PAM: variants seen among roughly 807,000 people sequenced by gnomAD.
PAM encodes the protein peptidyl-glycine alpha-amidating monooxygenase.
Under a neutral mutation model 122.1 loss-of-function variants are expected in PAM, and 72 were observed. That is an observed-to-expected ratio of 0.59 (90% CI 0.49 to 0.72). The LOEUF is 0.72. PAM is among the 30% of genes least tolerant of loss of function. The pLI, the probability that PAM is intolerant of heterozygous loss-of-function variation, is 0.00. For missense variants in PAM, 1,106 were observed against 1,183.7 expected (o/e 0.93, Z 0.96); for synonymous variants, 389 against 404.4 (o/e 0.96, Z 0.46).
At chr5:102,993,570 C>T (rs1774805034) in intron 16 of PAM, among the ~76,000 whole-genome samples, 1 of 152,110 alleles carries the variant, frequency 6.6e-6, no homozygotes, top group Admixed American at 6.6e-5. Flanking sequence ...AGTATAACTT[C>T]AGATTCTTTC....
chr5:102,881,493 G>A (rs1000029222), intron 3 of PAM, among the ~76,000 whole-genome samples: 3 of 151,998 alleles, frequency 2.0e-5, no homozygotes, highest in Admixed American at 1.3e-4. Flanking sequence ...ACTGCTACAA[G>A]CTTTTTAGGA....
At chr5:102,767,227 TG>T (rs1445238888) in intron 1 of PAM, among the ~76,000 whole-genome samples, 1 of 152,110 alleles carries the variant, frequency 6.6e-6, no homozygotes, top group Non-Finnish European at 1.5e-5. Flanking sequence ...GTTTTCATTT[TG>T]TTTTTATTTT....
intron 3 of PAM, among the ~76,000 whole-genome samples, chr5:102,884,974 A>G (rs1461153661): frequency 1.3e-5 from 2 of 151,902 alleles, no homozygotes; most frequent in Non-Finnish European, 2.9e-5. Flanking sequence ...TTGCCATGGC[A>G]ACATCGATTT....
At chr5:102,935,273 T>C (rs1752890602) in intron 7 of PAM, among the ~76,000 whole-genome samples, 1 of 152,150 alleles carries the variant, frequency 6.6e-6, no homozygotes, top group African/African-American at 2.4e-5. Context: ...TTTTTTCTTT[T>C]TTTTTTGGAC....
chr5:102,864,184 A>ATATATAT lies in PAM; in HGVS notation c.-373-1638_-373-1637insATATATT, dbSNP rs1472850333. Reference sequence around the variant, plus strand: ...TCTTCATATATATATATATATATATATTTTTTTTTTTTTTAAAGAACTTCA... The same window carrying ATATATAT: ...TCTTCATATATATATATATATATATATATATATTTTTTTTTTTTTTTAAAGAACTTCA... On this transcript the variant is annotated intron_variant, in intron 1 of 25. Coordinates refer to ENST00000438793, the MANE Select transcript of PAM (RefSeq NM_001177306.2). Among the ~76,000 whole-genome samples the ATATATAT allele has an allele frequency of 3.6e-4, 48 of 133,682 alleles. 1 individual carries two copies. Among genetic ancestry groups the ATATATAT allele is most frequent in the African/African-American group, 1.3e-3 (45 of 35,120 alleles). The allele number at this position is 133,682 out of a possible 152,430, so 87.7% of individuals were successfully genotyped here.
At chr5:103,014,097 G>C (rs1781363911) in intron 21 of PAM, among the ~76,000 whole-genome samples, 1 of 152,162 alleles carries the variant, frequency 6.6e-6, no homozygotes, top group African/African-American at 2.4e-5. Context: ...GTTGGTAAAG[G>C]AAGTGAGATG....
chr5:102,960,238 G>A (rs1202899345), intron 13 of PAM, among the ~76,000 whole-genome samples, 179 bp downstream of exon 13: 2 of 151,536 alleles, frequency 1.3e-5, no homozygotes, highest in Non-Finnish European at 2.9e-5. Flanking sequence ...TCCCTGACAT[G>A]TACCCATCAG....
At chr5:102,768,086 A>G (rs1470757362) in intron 1 of PAM, among the ~76,000 whole-genome samples, 1 of 152,192 alleles carries the variant, frequency 6.6e-6, no homozygotes, top group Non-Finnish European at 1.5e-5. Context: ...GATGACAGTG[A>G]CAAAGAATAC....
chr5:102,782,407 C>T (rs1759218372), intron 1 of PAM, among the ~76,000 whole-genome samples: 1 of 152,006 alleles, frequency 6.6e-6, no homozygotes, highest in African/African-American at 2.4e-5. Context: ...ATTTTGAAAT[C>T]CTTTATTGCA....
At chr5:102,882,205 A>G (rs1791510994) in intron 3 of PAM, among the ~76,000 whole-genome samples, 2 of 148,248 alleles carry the variant, frequency 1.3e-5, no homozygotes, top group South Asian at 4.3e-4. Flanking sequence ...CTTTTTTTGT[A>G]TAATGACTTC....
intron 1 of PAM, among the ~76,000 whole-genome samples, chr5:102,822,622 C>G (rs1157137167): frequency 6.6e-6 from 1 of 152,034 alleles, no homozygotes; most frequent in Non-Finnish European, 1.5e-5. Context: ...TGAGGACCTG[C>G]TATACTCTGG....
intron 1 of PAM, among the ~76,000 whole-genome samples, chr5:102,861,740 T>C (rs555203586): frequency 3.3e-5 from 5 of 152,310 alleles, no homozygotes; most frequent in Admixed American, 6.5e-5. Flanking sequence ...CTAAAGTGTT[T>C]AGGGATGATG....
At chr5:102,886,163 A>G (rs961207105) in intron 3 of PAM, among the ~76,000 whole-genome samples, 5 of 152,078 alleles carry the variant, frequency 3.3e-5, no homozygotes, top group Non-Finnish European at 7.4e-5. Flanking sequence ...TATAGAGAAT[A>G]GAGATTAGCA....
At chr5:102,771,155 T>G (rs2149766295) in intron 1 of PAM, among the ~76,000 whole-genome samples, 1 of 152,282 alleles carries the variant, frequency 6.6e-6, no homozygotes, top group East Asian at 1.9e-4. Flanking sequence ...TTGGCCATTT[T>G]AGATTCTCTT....
At chr5:102,908,780 C>T (rs975129532) in intron 4 of PAM, among the ~76,000 whole-genome samples, 14 of 150,908 alleles carry the variant, frequency 9.3e-5, no homozygotes, top group African/African-American at 3.4e-4. Context: ...AAAAATGTTC[C>T]AGGAAAAGGT....
intron 7 of PAM, among the ~76,000 whole-genome samples, chr5:102,936,007 T>TATCGC: frequency 6.6e-6 from 1 of 152,292 alleles, no homozygotes; most frequent in East Asian, 1.9e-4. Flanking sequence ...GATTGTTAAA[T>TATCGC]ATCGCAATCA....
chr5:102,880,148 G>A (rs893299546), intron 3 of PAM, among the ~76,000 whole-genome samples: 1 of 152,096 alleles, frequency 6.6e-6, no homozygotes, highest in Non-Finnish European at 1.5e-5. Flanking sequence ...GGGCATGGTG[G>A]TGTATGCCTG....
At chr5:102,862,872 C>T (rs1471003509) in intron 1 of PAM, among the ~76,000 whole-genome samples, 2 of 152,086 alleles carry the variant, frequency 1.3e-5, no homozygotes, top group Non-Finnish European at 2.9e-5. Context: ...AGTTTTCCTT[C>T]AGTTTACAGG....
At chr5:102,791,108 T>C (rs769445347) in intron 1 of PAM, among the ~76,000 whole-genome samples, 4 of 152,136 alleles carry the variant, frequency 2.6e-5, no homozygotes, top group Non-Finnish European at 5.9e-5. Flanking sequence ...CATTTTATTT[T>C]ATGCCTCTAT....
Sources: allele counts gnomAD v4.1 joint callset (sites outside exome capture counted in the v4.1 genomes callset), GRCh38; gene constraint gnomAD v4.1.1; transcripts MANE v1.5; gene names NCBI Gene and HGNC (gene_info 2026-07-23, HGNC 2026-07-21).